Variants in TBC1D22B observed in about 807,000 individuals in gnomAD.
TBC1D22B encodes the protein chromosome 6 open reading frame 197.
TBC1D22B carries 32 observed loss-of-function variants against 69.1 expected under a neutral mutation model. The observed-to-expected ratio is 0.46, with a 90% CI of 0.35 to 0.62. TBC1D22B has a LOEUF of 0.62. TBC1D22B is among the 20% of genes least tolerant of loss of function. The pLI is 0.00. For synonymous variants in TBC1D22B, 206 were observed against 229.8 expected (o/e 0.90, Z 0.94); for missense variants, 462 against 630.9 (o/e 0.73, Z 2.87).
At chr6:37,285,477 A>AC (rs1766979878) in intron 6 of TBC1D22B, among the ~76,000 whole-genome samples, 1 of 151,372 alleles carries the variant, frequency 6.6e-6, no homozygotes, top group African/African-American at 2.4e-5. Context: ...GGCATGTGCC[A>AC]CCAGGCCCGG....
chr6:37,301,016 A>G (rs549676490), intron 8 of TBC1D22B, among the ~76,000 whole-genome samples: 2 of 152,108 alleles, frequency 1.3e-5, no homozygotes, highest in East Asian at 3.9e-4. Context: ...GTCTGTTTCT[A>G]TGTTTGTGAC....
At chr6:37,299,103 G>A (rs1460807623) in intron 8 of TBC1D22B, among the ~76,000 whole-genome samples, 1 of 152,190 alleles carries the variant, frequency 6.6e-6, no homozygotes, top group African/African-American at 2.4e-5. Flanking sequence ...ATGAAGTCTA[G>A]TGTATTTCAC....
At chr6:37,258,684 C>T (rs262921) in intron 1 of TBC1D22B, among the ~76,000 whole-genome samples, 2,049 of 152,166 alleles carry the variant, frequency 0.013, 39 homozygotes, top group African/African-American at 0.045. Context: ...GGAGAGCAGA[C>T]CCCCTAAGAC....
intron 12 of TBC1D22B, among the ~76,000 whole-genome samples, chr6:37,329,923 C>A (rs950892363): frequency 3.9e-5 from 6 of 152,164 alleles, no homozygotes; most frequent in Admixed American, 3.3e-4. Flanking sequence ...GTGCATTGGG[C>A]AGTTTTGTGC....
Position 37,325,518 on chromosome 6 carries a change from C to A in TBC1D22B, c.1390-5526C>A, listed in dbSNP as rs115845053. 1.3e-4 allele frequency among the ~76,000 whole-genome samples: 20 copies of A among 151,002 alleles called. No homozygotes were observed. In the East Asian group the frequency reaches 3.9e-3, roughly 29 times the overall value. ...GATTTGTGATTAGCACCTTCATCCC[C>A]CAGCCATAATTATCGTTTCTACTTT... On this transcript the variant is annotated intron_variant, in intron 12 of 12. Transcript: ENST00000373491.
At chr6:37,330,483 C>T (rs963587473) in intron 12 of TBC1D22B, among the ~76,000 whole-genome samples, 5 of 151,902 alleles carry the variant, frequency 3.3e-5, no homozygotes, top group Admixed American at 6.6e-5. Context: ...GCGATCCATC[C>T]GCCTCAGCCT....
chr6:37,313,068 A>G (rs149708), intron 9 of TBC1D22B, 44 bp downstream of exon 9: 1,334,726 of 1,515,406 alleles, frequency 0.88, 588,425 homozygotes, highest in Middle Eastern at 0.95. Flanking sequence ...CTAGGTCCAG[A>G]GGCTCCCAGC....
rs372546402 is a variant in TBC1D22B at position 37,264,861 on chromosome 6, G to A, written c.57-4733G>A. ...ATAATGGGTTTAATAAGTTTGGAAG[G>A]TGGAGTGGAGATCAGTCTTTCTTAG... On this transcript the variant is annotated intron_variant, in intron 1 of 12. Transcript: ENST00000373491. Among the ~76,000 whole-genome samples the A allele has an allele frequency of 7.2e-5, 11 of 152,306 alleles. No homozygotes were observed. In the East Asian group the frequency reaches 1.5e-3, roughly 21 times the overall value.
chr6:37,317,533 G>A (rs1176421152), intron 12 of TBC1D22B, among the ~76,000 whole-genome samples: 5 of 152,202 alleles, frequency 3.3e-5, no homozygotes, highest in Admixed American at 2.6e-4. Context: ...ATATTAAGAA[G>A]TGAAACAGAG....
At position 37,326,110 on chromosome 6, in the gene TBC1D22B, G is replaced by A. The variant is rs193070488; in HGVS notation, c.1390-4934G>A. On this transcript the variant is annotated intron_variant, in intron 12 of 12. Coordinates refer to ENST00000373491, the MANE Select transcript of TBC1D22B (RefSeq NM_017772.4). ...ACAAAGAGTATTCTCGGCTGGGCGC[G>A]GTGGCTCACGCCTGTAATCCCAACA... Among the ~76,000 whole-genome samples the A allele has an allele frequency of 2.8e-3, 420 of 152,132 alleles. 3 individuals are homozygous for A. The highest frequency in any genetic ancestry group is 9.5e-3 in the African/African-American group (395 of 41,498).
intron 8 of TBC1D22B, among the ~76,000 whole-genome samples, chr6:37,305,136 C>G (rs1017570786): frequency 9.2e-5 from 14 of 152,320 alleles, no homozygotes; most frequent in African/African-American, 2.9e-4. Context: ...GCTCGCCCCC[C>G]ACGCTCAGTC....
At chr6:37,305,391 G>A (rs1017121021) in intron 8 of TBC1D22B, among the ~76,000 whole-genome samples, 3 of 152,140 alleles carry the variant, frequency 2.0e-5, no homozygotes, top group Admixed American at 1.3e-4. Context: ...ACAGCAAGAC[G>A]TGGAACGTTT....
chr6:37,264,557 T>C (rs1473956554), intron 1 of TBC1D22B, among the ~76,000 whole-genome samples: 3 of 152,194 alleles, frequency 2.0e-5, no homozygotes, highest in Non-Finnish European at 4.4e-5. Flanking sequence ...GTGATCTGCC[T>C]GCCTCGGCCT....
At chr6:37,331,009 C>G (rs747068772) in intron 12 of TBC1D22B, 35 bp from the exon 13 acceptor site, 7 of 1,612,306 alleles carry the variant, frequency 4.3e-6, no homozygotes, top group Non-Finnish European at 4.2e-6. Context: ...GGTCTACGGT[C>G]TGGTATGATA....
intron 12 of TBC1D22B, among the ~76,000 whole-genome samples, chr6:37,326,819 C>T (rs1252262834): frequency 6.6e-6 from 1 of 152,056 alleles, no homozygotes; most frequent in Non-Finnish European, 1.5e-5. Context: ...TCTTACCACA[C>T]AGAGGTGAAT....
intron 6 of TBC1D22B, among the ~76,000 whole-genome samples, chr6:37,286,204 T>C (rs195748): frequency 0.92 from 139,442 of 152,306 alleles, 63,945 homozygotes; most frequent in African/African-American, 0.98. Flanking sequence ...TAATAAGCTA[T>C]TGTTGTCATG....
Position 37,284,227 on chromosome 6 carries a change from G to A in TBC1D22B, c.673-109G>A, listed in dbSNP as rs367998124. On this transcript the variant is annotated intron_variant, in intron 5 of 12. Coordinates refer to ENST00000373491, the MANE Select transcript of TBC1D22B (RefSeq NM_017772.4). ...CAGAACCAAAAAGGGATTTACCCTTGGCAGTTTTCCTTCTTGGTAGTTTCC... is the reference window on the plus strand; with the variant it reads ...CAGAACCAAAAAGGGATTTACCCTTAGCAGTTTTCCTTCTTGGTAGTTTCC... The A allele has an allele frequency of 1.9e-5, 30 of 1,548,334 alleles. No individual in the cohort carries two copies. In the African/African-American group the frequency reaches 3.4e-4, roughly 18 times the overall value.
At chr6:37,327,196 G>A (rs1581639109) in intron 12 of TBC1D22B, among the ~76,000 whole-genome samples, 1 of 142,530 alleles carries the variant, frequency 7.0e-6, no homozygotes, top group Non-Finnish European at 1.5e-5. Flanking sequence ...AGTTGAGATA[G>A]GGCCGGGCGC....
intron 5 of TBC1D22B, 109 bp downstream of exon 5, chr6:37,283,061 A>G (rs932819119): frequency 6.1e-6 from 5 of 822,352 alleles, no homozygotes; most frequent in East Asian, 5.3e-5. Context: ...CTCTAGTCCT[A>G]CTGGATATGA....
Sources: gnomAD v4.1 joint callset for allele counts (sites outside exome capture counted in the v4.1 genomes callset) on GRCh38, gnomAD v4.1.1 for gene constraint, MANE v1.5 for transcripts, NCBI Gene and HGNC (gene_info 2026-07-23, HGNC 2026-07-21) for gene names.